NXPH2: variants seen among roughly 807,000 people sequenced by gnomAD.
The protein encoded by NXPH2 is neurexophilin-2.
Under a neutral mutation model 19.8 loss-of-function variants are expected in NXPH2, and 5 were observed. The ratio of observed to expected loss-of-function variants is 0.25; its 90% confidence interval spans 0.13 to 0.53. The LOEUF (loss-of-function observed/expected upper bound fraction) is 0.53, where lower values mean the gene tolerates loss of function less well. NXPH2 is among the 20% of genes least tolerant of loss of function. The pLI is 0.96. For missense variants in NXPH2, 289 were observed against 322.8 expected (o/e 0.90, Z 0.80); for synonymous variants, 154 against 127.4 (o/e 1.21, Z -1.41).
At chr2:138,701,078 A>C (rs1374672477) in intron 1 of NXPH2, among the ~76,000 whole-genome samples, 1 of 152,168 alleles carries the variant, frequency 6.6e-6, no homozygotes, top group African/African-American at 2.4e-5. Context: ...GAAAAAGCGA[A>C]AGCAATCAAA....
intron 1 of NXPH2, among the ~76,000 whole-genome samples, chr2:138,753,920 C>A (rs1359220773): frequency 6.6e-6 from 1 of 152,146 alleles, no homozygotes; most frequent in Non-Finnish European, 1.5e-5. Flanking sequence ...AGACTCCACT[C>A]ATCATTCATA....
chr2:138,699,625 C>T (rs1032682679), intron 1 of NXPH2, among the ~76,000 whole-genome samples: 5 of 152,074 alleles, frequency 3.3e-5, no homozygotes, highest in Admixed American at 2.0e-4. Context: ...TAGCCTAAGG[C>T]GGACATGGGA....
At chr2:138,725,429 A>T (rs1355891144) in intron 1 of NXPH2, among the ~76,000 whole-genome samples, 1 of 152,192 alleles carries the variant, frequency 6.6e-6, no homozygotes, top group Non-Finnish European at 1.5e-5. Flanking sequence ...TTGGGGAAGG[A>T]TTGAGAAAGG....
chr2:138,677,628 G>C (rs754500637), intron 1 of NXPH2, among the ~76,000 whole-genome samples: 2 of 152,126 alleles, frequency 1.3e-5, no homozygotes, highest in Non-Finnish European at 2.9e-5. Flanking sequence ...AGCTAAAGTT[G>C]AATTTTACTG....
chr2:138,775,838 C>T (rs1404350457), intron 1 of NXPH2, among the ~76,000 whole-genome samples: 1 of 152,088 alleles, frequency 6.6e-6, no homozygotes, highest in Non-Finnish European at 1.5e-5. Flanking sequence ...TAATTTACTT[C>T]CAAATCAAGA....
rs72986896 is a variant in NXPH2, at chr2:138,697,312, T to G, written c.52-25647A>C. ...AATGATTTAAATAATAAACCAAGAC[T>G]GTTTATTATACTGTATGTAAATTAT... On this transcript the variant is annotated intron_variant, in intron 1 of 1. Coordinates refer to ENST00000272641, the MANE Select transcript of NXPH2 (RefSeq NM_007226.3). Among the ~76,000 whole-genome samples, 536 of 152,250 alleles carry G rather than the reference T, an allele frequency of 3.5e-3. 3 individuals are homozygous for G. The highest frequency in any genetic ancestry group is 8.8e-3 in the African/African-American group (364 of 41,560).
At chr2:138,701,695 C>T (rs557822807) in intron 1 of NXPH2, among the ~76,000 whole-genome samples, 3 of 152,198 alleles carry the variant, frequency 2.0e-5, no homozygotes, top group East Asian at 3.9e-4. Flanking sequence ...TATGATGTTG[C>T]TTTTTAATAT....
chr2:138,693,753 A>G (rs1479578892), intron 1 of NXPH2, among the ~76,000 whole-genome samples: 3 of 152,162 alleles, frequency 2.0e-5, no homozygotes, highest in Non-Finnish European at 4.4e-5. Context: ...TGGGAAAAGG[A>G]TGAGAGTTCT....
intron 1 of NXPH2, among the ~76,000 whole-genome samples, chr2:138,745,386 C>A (rs1681708520): frequency 6.7e-6 from 1 of 150,092 alleles, no homozygotes. Flanking sequence ...GGAATAGAAT[C>A]TTTTTGCTAG....
At chr2:138,773,960 G>C (rs989059431) in intron 1 of NXPH2, among the ~76,000 whole-genome samples, 2 of 152,068 alleles carry the variant, frequency 1.3e-5, no homozygotes. Context: ...TCACATGCCA[G>C]TTTTTTTGTT....
rs555710780 is a variant in NXPH2, at chr2:138,765,796, A to G, written c.51+14395T>C. ...TAAACTCTTTGAAGAGTGTAATCCT[A>G]CTATATTTTAATTGTAACAAATTTG... On this transcript the variant is annotated intron_variant, in intron 1 of 1. Transcript: ENST00000272641. Among the ~76,000 whole-genome samples, 3 of 152,322 alleles carry G rather than the reference A, an allele frequency of 2.0e-5. No individual in the cohort carries two copies. The South Asian group carries it at 6.2e-4, about 32-fold the overall frequency.
At chr2:138,700,185 T>C (rs959505387) in intron 1 of NXPH2, among the ~76,000 whole-genome samples, 2 of 152,166 alleles carry the variant, frequency 1.3e-5, no homozygotes, top group African/African-American at 4.8e-5. Context: ...CCCTTTATTA[T>C]CCCTACAGCG....
chr2:138,760,369 AAAC>A lies in NXPH2; in HGVS notation c.51+19819_51+19821del, dbSNP rs751320065. Among the ~76,000 whole-genome samples the A allele has an allele frequency of 3.5e-4, 54 of 152,300 alleles. No homozygotes were observed. In the South Asian group the frequency reaches 6.0e-3, roughly 17 times the overall value. ...TGAGATCTCTCAGCCTGACGCTTTG[AAAC>A]AACAACAACAAAAACCCCACAGGTT... On this transcript the variant is annotated intron_variant, in intron 1 of 1. Transcript: ENST00000272641.
intron 1 of NXPH2, among the ~76,000 whole-genome samples, chr2:138,757,813 T>C (rs574962653): frequency 5.4e-5 from 8 of 147,610 alleles, no homozygotes; most frequent in African/African-American, 1.5e-4. Flanking sequence ...GTGTGTTTCT[T>C]TATCTATCTA....
rs1681183465 is a variant in NXPH2, at chr2:138,715,524, A to G, written c.52-43859T>C. On this transcript the variant is annotated intron_variant, in intron 1 of 1. Coordinates refer to ENST00000272641, the MANE Select transcript of NXPH2 (RefSeq NM_007226.3). ...CCCTGCTTATCAGGGTAAATAAACC[A>G]GGGTTTGTTTACCAAGTGCTTTCTC... 2.0e-5 allele frequency among the ~76,000 whole-genome samples: 3 copies of G among 152,206 alleles called. 1 individual carries two copies. The South Asian group carries it at 6.2e-4, about 32-fold the overall frequency.
chr2:138,779,848 C>T (rs574970479), intron 1 of NXPH2, among the ~76,000 whole-genome samples: 39 of 152,078 alleles, frequency 2.6e-4, no homozygotes, highest in Non-Finnish European at 4.3e-4. Context: ...TCTTTCTGCC[C>T]CTTCTCATCC....
intron 1 of NXPH2, among the ~76,000 whole-genome samples, chr2:138,762,909 A>G (rs557202349): frequency 3.3e-4 from 50 of 152,362 alleles, no homozygotes; most frequent in African/African-American, 1.2e-3. Context: ...ACACCTATGT[A>G]TTAATATATG....
intron 1 of NXPH2, among the ~76,000 whole-genome samples, chr2:138,744,729 G>A (rs1012817470): frequency 6.6e-6 from 1 of 152,114 alleles, no homozygotes; most frequent in Non-Finnish European, 1.5e-5. Flanking sequence ...GGTCCTTAAG[G>A]TCTGCTTTTT....
chr2:138,699,279 A>G (rs1256588871), intron 1 of NXPH2, among the ~76,000 whole-genome samples: 1 of 152,148 alleles, frequency 6.6e-6, no homozygotes, highest in Non-Finnish European at 1.5e-5. Flanking sequence ...AAAAGTGTCT[A>G]TGGAAATGAA....
Sources: allele counts gnomAD v4.1 joint callset (sites outside exome capture counted in the v4.1 genomes callset), GRCh38; gene constraint gnomAD v4.1.1; transcripts MANE v1.5; gene names NCBI Gene and HGNC (gene_info 2026-07-23, HGNC 2026-07-21).